Variants in SULF2 observed in about 807,000 individuals in gnomAD.
The protein encoded by SULF2 is sulfatase 2.
A neutral mutation model predicts 107.7 loss-of-function variants in SULF2; 52 were observed. The ratio of observed to expected loss-of-function variants is 0.48; its 90% confidence interval spans 0.39 to 0.61. SULF2 has a LOEUF of 0.61. SULF2 is among the 20% of genes least tolerant of loss of function. The pLI, the probability that SULF2 is intolerant of heterozygous loss-of-function variation, is 0.00. For synonymous variants in SULF2, 460 were observed against 464.3 expected (o/e 0.99, Z 0.12); for missense variants, 993 against 1,177.3 (o/e 0.84, Z 2.29).
intron 5 of SULF2, among the ~76,000 whole-genome samples, chr20:47,689,369 A>C (rs1162445030): frequency 6.6e-6 from 1 of 151,914 alleles, no homozygotes; most frequent in Non-Finnish European, 1.5e-5. Context: ...TCTTGGCCTT[A>C]CTCTCTCTCT....
Position 47,695,024 on chromosome 20 carries a change from CATT to C in SULF2, c.568-4732_568-4730del, listed in dbSNP as rs1326764286. Reference sequence around the variant, plus strand: ...ATCTTTTTCTCCCCGCCACAGATAACATTATTAATGAGAAGCATACATAGTGGT... The same window carrying C: ...ATCTTTTTCTCCCCGCCACAGATAACATTAATGAGAAGCATACATAGTGGT... On this transcript the variant is annotated intron_variant, in intron 4 of 20. Coordinates refer to ENST00000688720, the MANE Select transcript of SULF2 (RefSeq NM_001387048.1). 2.6e-5 allele frequency among the ~76,000 whole-genome samples: 4 copies of C among 152,186 alleles called. No homozygotes were observed. In the East Asian group the frequency reaches 7.7e-4, roughly 29 times the overall value.
intron 2 of SULF2, among the ~76,000 whole-genome samples, chr20:47,745,995 A>C (rs2090026649): frequency 1.3e-5 from 2 of 152,248 alleles, no homozygotes; most frequent in African/African-American, 4.8e-5. Context: ...ACATCAATTC[A>C]GCTTTCTGGC....
At chr20:47,757,918 G>A (rs377763055) in intron 1 of SULF2, among the ~76,000 whole-genome samples, 4 of 152,236 alleles carry the variant, frequency 2.6e-5, no homozygotes, top group South Asian at 2.1e-4. Flanking sequence ...CCCCAGCAGC[G>A]GGGGATTCAA....
At chr20:47,741,884 C>G (rs2089891479) in intron 2 of SULF2, among the ~76,000 whole-genome samples, 1 of 152,250 alleles carries the variant, frequency 6.6e-6, no homozygotes. Flanking sequence ...CCTTGGCAAA[C>G]AGTGAACAGC....
intron 1 of SULF2, among the ~76,000 whole-genome samples, chr20:47,762,203 C>T (rs1432082498): frequency 6.6e-6 from 1 of 152,258 alleles, no homozygotes; most frequent in Non-Finnish European, 1.5e-5. Flanking sequence ...CTACGGGATG[C>T]TTTGCACTTG....
chr20:47,697,021 G>T, intron 4 of SULF2, among the ~76,000 whole-genome samples: 1 of 152,118 alleles, frequency 6.6e-6, no homozygotes, highest in Admixed American at 6.5e-5. Flanking sequence ...GCAAGGGGCG[G>T]GGCACATGAA....
chr20:47,745,739 A>AG (rs2090021017), intron 2 of SULF2, among the ~76,000 whole-genome samples: 2 of 151,884 alleles, frequency 1.3e-5, no homozygotes, highest in Admixed American at 1.3e-4. Context: ...CATGTTAGCC[A>AG]GGCTGTTCTT....
intron 2 of SULF2, among the ~76,000 whole-genome samples, chr20:47,753,925 C>T (rs2090218764): frequency 6.6e-6 from 1 of 152,284 alleles, no homozygotes; most frequent in African/African-American, 2.4e-5. Flanking sequence ...GGAAGTCCAG[C>T]AAAAGTCCGT....
intron 3 of SULF2, among the ~76,000 whole-genome samples, chr20:47,725,135 G>C (rs1010477405): frequency 1.3e-5 from 2 of 152,214 alleles, no homozygotes; most frequent in African/African-American, 4.8e-5. Context: ...GGGCAGCTGG[G>C]TGGGCGGGCG....
rs376549920 is a variant in SULF2 at position 47,715,908 on chromosome 20, G to A, written c.416-13238C>T. 4.6e-5 allele frequency among the ~76,000 whole-genome samples: 7 copies of A among 152,262 alleles called. 1 individual carries two copies. Among genetic ancestry groups the A allele is most frequent in the African/African-American group, 1.7e-4 (7 of 41,534 alleles). ...ACGTAGATTTGTTTTTTTATCATCC[G>A]GTGCACACCCTCTGTGAGTGGAGGA... On this transcript the variant is annotated intron_variant, in intron 3 of 20. Coordinates refer to ENST00000688720, the MANE Select transcript of SULF2 (RefSeq NM_001387048.1).
chr20:47,676,021 G>A (rs1018419965), intron 10 of SULF2, among the ~76,000 whole-genome samples: 5 of 152,002 alleles, frequency 3.3e-5, no homozygotes, highest in Non-Finnish European at 7.4e-5. Flanking sequence ...CATGAGCCAC[G>A]GACTGTTCCT....
chr20:47,764,449 C>A (rs371487415), intron 1 of SULF2, among the ~76,000 whole-genome samples: 1 of 152,206 alleles, frequency 6.6e-6, no homozygotes, highest in East Asian at 1.9e-4. Flanking sequence ...ATTTCCCACC[C>A]CCCCTTATAT....
At chr20:47,734,804 C>T (rs1048265018) in intron 3 of SULF2, among the ~76,000 whole-genome samples, 5 of 152,182 alleles carry the variant, frequency 3.3e-5, no homozygotes, top group African/African-American at 1.2e-4. Context: ...TGACATTACG[C>T]TCCCAGTCTT....
At chr20:47,695,459 C>T (rs2088343220) in intron 4 of SULF2, among the ~76,000 whole-genome samples, 1 of 152,210 alleles carries the variant, frequency 6.6e-6, no homozygotes, top group Admixed American at 6.5e-5. Context: ...CCCCTCAGCC[C>T]TGCCAACCAC....
At chr20:47,767,382 C>T (rs1051787673) in intron 1 of SULF2, among the ~76,000 whole-genome samples, 2 of 152,234 alleles carry the variant, frequency 1.3e-5, no homozygotes, top group East Asian at 1.9e-4. Flanking sequence ...TGGCGGCTTA[C>T]ACCTGTAATC....
chr20:47,710,462 G>A (rs12386248), intron 3 of SULF2, among the ~76,000 whole-genome samples: 2,651 of 151,944 alleles, frequency 0.017, 155 homozygotes, highest in African/African-American at 0.061. Context: ...TAGCCTAGGA[G>A]TAATAGGTCA....
In SULF2 at chr20:47,676,589, C is replaced by T. The variant is rs1267611358; in HGVS notation, c.1285G>A (p.Asp429Asn). 6.4e-7 allele frequency: 1 copy of T among 1,562,182 alleles called. No individual in the cohort carries two copies. Among genetic ancestry groups the T allele is most frequent in the African/African-American group, 1.4e-5 (1 of 73,802 alleles). ...GGCAGAAAGTTCTCCTCCTGGGCGT[C>T]CACCTTGTCATTGTCTCTCTTGTGT... ...LLHKRDNDKV[D>N]AQEENFLPKY... Residue 429 changes from aspartate (D) to asparagine (N), a missense_variant, in exon 10 of 21, where the codon GAC becomes AAC. By Grantham distance (23) the Asp-to-Asn change is conservative. This residue lies in a region of SULF2 where 108 missense variants were observed against 183.9 expected (regional missense o/e 0.59). Coordinates refer to ENST00000688720, the MANE Select transcript of SULF2 (RefSeq NM_001387048.1).
chr20:47,767,732 G>A (rs6094824), intron 1 of SULF2, among the ~76,000 whole-genome samples: 7,237 of 152,126 alleles, frequency 0.048, 214 homozygotes, highest in Admixed American at 0.084. Flanking sequence ...CCGAGATTGC[G>A]CTACTGCACT....
At chr20:47,674,609 T>TC (rs576718129) in intron 10 of SULF2, among the ~76,000 whole-genome samples, 299 of 152,276 alleles carry the variant, frequency 2.0e-3, no homozygotes, top group Non-Finnish European at 3.8e-3. Flanking sequence ...CCTTAGGATG[T>TC]CCCCGTGTCA....
Sources: gnomAD v4.1 joint callset for allele counts (sites outside exome capture counted in the v4.1 genomes callset) on GRCh38, gnomAD v4.1.1 for gene constraint, gnomAD v4.1.1 regional missense constraint, MANE v1.5 for transcripts, NCBI Gene and HGNC (gene_info 2026-07-23, HGNC 2026-07-21) for gene names.